MATN2: variants seen among roughly 807,000 people sequenced by gnomAD.
MATN2 encodes the protein matrilin-2.
A neutral mutation model predicts 103.2 loss-of-function variants in MATN2; 69 were observed. The observed-to-expected ratio is 0.67, with a 90% CI of 0.55 to 0.82. MATN2 has a LOEUF of 0.82. Ranked by LOEUF, MATN2 falls within the 40% of genes least tolerant of loss-of-function variation. The pLI is 0.00. For missense variants in MATN2, 1,023 were observed against 1,211.5 expected, an observed-to-expected ratio of 0.84 and a Z score of 2.31; for synonymous variants, 429 against 450.2, an observed-to-expected ratio of 0.95 and a Z score of 0.60.
At chr8:98,001,495 C>T in intron 7 of MATN2, among the ~76,000 whole-genome samples, 1 of 141,048 alleles carries the variant, frequency 7.1e-6, no homozygotes, top group African/African-American at 2.6e-5. Flanking sequence ...GACAGAGTCT[C>T]ACTCTGTTGC....
At chr8:98,032,096 C>T (rs1278626036) in intron 15 of MATN2, 150 bp from the exon 16 acceptor site, 1 of 613,714 alleles carries the variant, frequency 1.6e-6, no homozygotes, top group Non-Finnish European at 2.9e-6. Flanking sequence ...TAACCAACTG[C>T]TTTTTTGAAT....
At chr8:97,946,375 T>G (rs1024849130) in intron 4 of MATN2, among the ~76,000 whole-genome samples, 8 of 152,224 alleles carry the variant, frequency 5.3e-5, no homozygotes, top group Admixed American at 2.0e-4. Context: ...GACCTCAACA[T>G]TGTGGATTCC....
At position 98,007,531 on chromosome 8, in the gene MATN2, C is replaced by T. The variant is rs1292503578; in HGVS notation, c.1503C>T (p.Asn501=). The T allele has an allele frequency of 8.1e-6, 13 of 1,613,568 alleles. No individual in the cohort carries two copies. The East Asian group carries it at 2.9e-4, about 36-fold the overall frequency. Residue 501 remains asparagine (N), a synonymous_variant, in exon 10 of 19, where the codon AAC becomes AAT. Coordinates refer to ENST00000254898, the MANE Select transcript of MATN2 (RefSeq NM_002380.5). The surrounding 1 kb of genome is among the most constrained non-coding windows in gnomAD (Gnocchi z 4.2). ...SDHGCEYSCV[N]MDRSFACQCP... is the part of the protein sequence containing the mutation. ...ATGGTTGTGAATACTCCTGTGTCAA[C>T]ATGGACAGATCCTTTGCCTGTCAGT...
chr8:97,933,978 AG>A (rs1187759209), intron 3 of MATN2, among the ~76,000 whole-genome samples: 1 of 152,244 alleles, frequency 6.6e-6, no homozygotes, highest in Non-Finnish European at 1.5e-5. Flanking sequence ...TTACAGGTTA[AG>A]GAACTTGCTA....
chr8:97,869,406 G>A (rs1817817177), intron 1 of MATN2, 119 bp downstream of exon 1: 1 of 152,008 alleles, frequency 6.6e-6, no homozygotes, highest in Non-Finnish European at 1.5e-5. Flanking sequence ...GCCCTCCCCA[G>A]GCCCGCACTG....
intron 8 of MATN2, 116 bp downstream of exon 8, chr8:98,003,899 C>T: frequency 8.7e-7 from 1 of 1,148,104 alleles, no homozygotes; most frequent in East Asian, 2.5e-5. Context: ...GATGGTCTGT[C>T]AGGTGTATCC....
chr8:97,911,658 G>A (rs1254824649), intron 2 of MATN2, among the ~76,000 whole-genome samples: 1 of 150,848 alleles, frequency 6.6e-6, no homozygotes, highest in Non-Finnish European at 1.5e-5. Context: ...AGTGAGCCGA[G>A]ATCACACCAC....
chr8:97,959,316 CATG>C (rs1370108098), intron 4 of MATN2, among the ~76,000 whole-genome samples: 1 of 152,216 alleles, frequency 6.6e-6, no homozygotes, highest in Non-Finnish European at 1.5e-5. Flanking sequence ...TTTTGTTCAC[CATG>C]ATATCCCCAA....
chr8:97,870,063 T>G (rs1817839907), intron 1 of MATN2, among the ~76,000 whole-genome samples: 2 of 152,118 alleles, frequency 1.3e-5, no homozygotes, highest in Non-Finnish European at 2.9e-5. Flanking sequence ...TCAAGAGACT[T>G]CAGGGACCCG....
chr8:97,992,639 G>A (rs551351467), intron 6 of MATN2, among the ~76,000 whole-genome samples: 1 of 151,456 alleles, frequency 6.6e-6, no homozygotes, highest in East Asian at 2.0e-4. Context: ...CCAACTACTT[G>A]GGAGGCTGAG....
Position 97,979,028 on chromosome 8 carries a change from AC to A in MATN2, c.1081+21del. On this transcript the variant is annotated intron_variant, in intron 6 of 18. Transcript: ENST00000254898. ...GCACAAGTAAGTTACACACACATGC[AC>A]ACACAGAGAAATATTTGCTGTTACT... is the stretch of plus-strand genomic sequence containing the variant. 1.9e-5 allele frequency: 30 copies of A among 1,595,056 alleles called. No homozygotes were observed. Among genetic ancestry groups the A allele is most frequent in the Non-Finnish European group, 2.4e-5 (28 of 1,170,882 alleles).
At chr8:98,034,705 G>A (rs1212917518) in intron 18 of MATN2, among the ~76,000 whole-genome samples, 1 of 152,020 alleles carries the variant, frequency 6.6e-6, no homozygotes, top group African/African-American at 2.4e-5. Context: ...TTTTTACATA[G>A]GTCAGAATTC....
intron 2 of MATN2, among the ~76,000 whole-genome samples, chr8:97,912,784 G>C (rs568731270): frequency 6.6e-6 from 1 of 152,316 alleles, no homozygotes; most frequent in South Asian, 2.1e-4. Context: ...AGTAGAGAGT[G>C]GGGGTGATAC....
At chr8:97,928,596 A>C (rs931203937) in intron 2 of MATN2, among the ~76,000 whole-genome samples, 6 of 152,096 alleles carry the variant, frequency 3.9e-5, no homozygotes, top group African/African-American at 1.4e-4. Context: ...GCTGGATTTC[A>C]GTTCCTCTCA....
intron 2 of MATN2, among the ~76,000 whole-genome samples, chr8:97,916,858 A>C (rs1216594531): frequency 6.6e-6 from 1 of 152,194 alleles, no homozygotes; most frequent in Admixed American, 6.5e-5. Context: ...ACAGTTGTTG[A>C]ACCTCATATG....
chr8:97,880,909 C>CTGACTG, intron 1 of MATN2, among the ~76,000 whole-genome samples: 1 of 152,246 alleles, frequency 6.6e-6, no homozygotes, highest in East Asian at 1.9e-4. Flanking sequence ...AACAAGTAGA[C>CTGACTG]TGACTGCCTG....
At chr8:97,960,721 C>T (rs28522015) in intron 4 of MATN2, among the ~76,000 whole-genome samples, 1 of 152,108 alleles carries the variant, frequency 6.6e-6, no homozygotes, top group African/African-American at 2.4e-5. Flanking sequence ...TTGTCTCATT[C>T]CTTCTTATAC....
intron 4 of MATN2, among the ~76,000 whole-genome samples, chr8:97,958,118 A>G (rs1811195817): frequency 6.6e-6 from 1 of 152,194 alleles, no homozygotes; most frequent in African/African-American, 2.4e-5. Context: ...GTTCTTTTGT[A>G]ACAGGTTGAT....
chr8:98,001,462 CT>C (rs35005441), intron 7 of MATN2, among the ~76,000 whole-genome samples: 12,703 of 118,684 alleles, frequency 0.11, 433 homozygotes, highest in Middle Eastern at 0.17. Context: ...ACACTTTTGT[CT>C]TTTTTTTTTT....
Sources: gnomAD v4.1 joint callset for allele counts (sites outside exome capture counted in the v4.1 genomes callset) on GRCh38, gnomAD v4.1.1 for gene constraint, Gnocchi (gnomAD v3.1) non-coding constraint, MANE v1.5 for transcripts, NCBI Gene and HGNC (gene_info 2026-07-23, HGNC 2026-07-21) for gene names.